Variants in CHST12 observed in about 807,000 individuals in gnomAD.
CHST12 encodes carbohydrate sulfotransferase 12, also known as carbohydrate (chondroitin 4) sulfotransferase 12.
In CHST12, 23 loss-of-function variants were observed where a neutral mutation model predicts 27.9. The observed-to-expected ratio is 0.82, with a 90% CI of 0.59 to 1.17. The LOEUF (loss-of-function observed/expected upper bound fraction) is 1.17, where lower values mean the gene tolerates loss of function less well. Ranked by LOEUF, CHST12 falls within the 50% of genes most tolerant of loss-of-function variation. The pLI, the probability that CHST12 is intolerant of heterozygous loss-of-function variation, is 0.00. For missense variants in CHST12, 682 were observed against 603.0 expected (o/e 1.13, Z -1.37); for synonymous variants, 322 against 273.0 (o/e 1.18, Z -1.77).
intron 1 of CHST12, among the ~76,000 whole-genome samples, chr7:2,416,459 T>G (rs533352147): frequency 2.0e-5 from 3 of 152,370 alleles, no homozygotes; most frequent in African/African-American, 7.2e-5. Flanking sequence ...GTTTTCAGTT[T>G]ACTTTGCCCA....
intron 1 of CHST12, among the ~76,000 whole-genome samples, chr7:2,420,187 A>G (rs1283484868): frequency 1.3e-5 from 2 of 150,988 alleles, no homozygotes; most frequent in African/African-American, 2.5e-5. Context: ...GTTAGCCAGG[A>G]TGGTCTTGAT....
At chr7:2,418,563 C>T (rs547978382) in intron 1 of CHST12, among the ~76,000 whole-genome samples, 20 of 152,282 alleles carry the variant, frequency 1.3e-4, no homozygotes, top group Admixed American at 5.2e-4. Flanking sequence ...AAATCATGTC[C>T]TATTTCTTTT....
chr7:2,434,093 C>T lies in CHST12; in HGVS notation c.*209C>T, dbSNP rs749136766. 3 of 449,780 alleles carry T rather than the reference C, an allele frequency of 6.7e-6. No individual in the cohort carries two copies. Among genetic ancestry groups the T allele is most frequent in the Admixed American group, 4.1e-5 (1 of 24,650 alleles). 27.9% of individuals were successfully genotyped at this position (449,780 alleles called of 1,614,324 possible). A position where few individuals can be genotyped will look rare whatever the true frequency, so the allele number is the denominator to read the frequency against. Reference sequence around the variant, plus strand: ...AGGGAATGCTGGAGTAAAATATCCCCTCTCCCCTCCGCCCGCCCACCCGCC... The same window carrying T: ...AGGGAATGCTGGAGTAAAATATCCCTTCTCCCCTCCGCCCGCCCACCCGCC... On this transcript the variant is annotated 3_prime_UTR_variant, in exon 2 of 2. Transcript: ENST00000618655.
chr7:2,406,901 C>G (rs1411249649), intron 1 of CHST12, among the ~76,000 whole-genome samples: 4 of 152,004 alleles, frequency 2.6e-5, no homozygotes, highest in African/African-American at 4.8e-5. Context: ...CAGGAAGGAG[C>G]CTTAGAAAGC....
At chr7:2,416,372 A>T (rs562199742) in intron 1 of CHST12, among the ~76,000 whole-genome samples, 240 of 152,310 alleles carry the variant, frequency 1.6e-3, no homozygotes, top group African/African-American at 5.6e-3. Context: ...TCAAACTTCT[A>T]TTAATGTTGC....
chr7:2,435,385 G>A lies in CHST12; in HGVS notation c.*1501G>A, dbSNP rs1782447593. ...AGAGGCTCCGTGTGACTGTCTCTGTGGCTTTCTGGTTGGTTTAGCTCCAGT... is the reference window on the plus strand; with the variant it reads ...AGAGGCTCCGTGTGACTGTCTCTGTAGCTTTCTGGTTGGTTTAGCTCCAGT... On this transcript the variant is annotated 3_prime_UTR_variant, in exon 2 of 2. Transcript: ENST00000618655. 1.3e-5 allele frequency: 2 copies of A among 152,220 alleles called. No homozygotes were observed. Among genetic ancestry groups the A allele is most frequent in the South Asian group, 2.1e-4 (1 of 4,822 alleles). 9.4% of individuals were successfully genotyped at this position (152,220 alleles called of 1,614,324 possible).
At chr7:2,420,122 C>T (rs536509154) in intron 1 of CHST12, among the ~76,000 whole-genome samples, 1 of 151,846 alleles carries the variant, frequency 6.6e-6, no homozygotes, top group East Asian at 1.9e-4. Flanking sequence ...TACAGGCGCC[C>T]GTCAGCATGC....
In CHST12 at chr7:2,444,648, CAG is replaced by C. The variant is rs1782704312; in HGVS notation, c.*10768_*10769del. 6.6e-6 allele frequency: 1 copy of C among 152,218 alleles called. No individual in the cohort carries two copies. Among genetic ancestry groups the C allele is most frequent in the Non-Finnish European group, 1.5e-5 (1 of 68,076 alleles). 9.4% of individuals were successfully genotyped at this position (152,218 alleles called of 1,614,324 possible). A position where few individuals can be genotyped will look rare whatever the true frequency, so the allele number is the denominator to read the frequency against. ...TCTGAAGCCGTGGGCCAGGCCAAGA[CAG>C]AGATTCTGAGGCATGGTTCTGGAAT... is the stretch of plus-strand genomic sequence containing the variant. On this transcript the variant is annotated 3_prime_UTR_variant, in exon 2 of 2. Transcript: ENST00000618655.
chr7:2,433,755 C>G lies in CHST12; in HGVS notation c.1116C>G (p.Thr372=), dbSNP rs773180842. The G allele has an allele frequency of 1.3e-5, 21 of 1,614,000 alleles. No individual in the cohort carries two copies. The highest frequency in any genetic ancestry group is 8.9e-5 in the East Asian group (4 of 44,878). The change falls in exon 2 of 2, where the codon ACC becomes ACG. Residue 372 remains threonine, a synonymous_variant. Transcript: ENST00000618655. This position sits in a 1 kb window ranked among gnomAD's most constrained non-coding sequence, Gnocchi z 6.1. ...TCCCCCCGAGCTACCGGAACAGGAC[C>G]GCCAGCAGCTGGGAGGAGGACTGGT... ...LRFPPSYRNR[T]ASSWEEDWFA...
intron 1 of CHST12, chr7:2,404,233 C>G (rs1781460594): frequency 6.6e-6 from 1 of 152,422 alleles, no homozygotes; most frequent in Non-Finnish European, 1.5e-5. Flanking sequence ...CTTAAATGAC[C>G]TCTCACTCCA....
intron 1 of CHST12, chr7:2,404,255 C>G (rs1416153397): frequency 6.6e-6 from 1 of 152,382 alleles, no homozygotes; most frequent in Non-Finnish European, 1.5e-5. Flanking sequence ...AAGCCGCAGC[C>G]CTGCCCCTCT....
chr7:2,420,447 C>A (rs569865420), intron 1 of CHST12, among the ~76,000 whole-genome samples: 2 of 152,268 alleles, frequency 1.3e-5, no homozygotes, highest in African/African-American at 4.8e-5. Context: ...TGGGTTCCTT[C>A]CACCTTTTGG....
intron 1 of CHST12, among the ~76,000 whole-genome samples, chr7:2,431,778 G>C (rs1478070255): frequency 1.3e-5 from 2 of 152,188 alleles, no homozygotes; most frequent in East Asian, 3.8e-4. Context: ...TGAAGCTGTA[G>C]GGTGCAGTTT....
chr7:2,417,818 G>A (rs1438792998), intron 1 of CHST12, among the ~76,000 whole-genome samples: 2 of 152,218 alleles, frequency 1.3e-5, no homozygotes, highest in South Asian at 2.1e-4. Flanking sequence ...GCTCACAGAC[G>A]CAGTCAGAGT....
chr7:2,441,386 G>A lies in CHST12; in HGVS notation c.*7502G>A, dbSNP rs917288125. 28 of 152,270 alleles carry A rather than the reference G, an allele frequency of 1.8e-4. No individual in the cohort carries two copies. Among genetic ancestry groups the A allele is most frequent in the African/African-American group, 4.6e-4 (19 of 41,562 alleles). 9.4% of individuals were successfully genotyped at this position (152,270 alleles called of 1,614,324 possible). ...AACCTTAAAAATGCTTTCTTCACTC[G>A]TTTAAATAGTAATGATAAGAATATG... On this transcript the variant is annotated 3_prime_UTR_variant, in exon 2 of 2. Transcript: ENST00000618655.
chr7:2,422,948 G>T (rs1782016631), intron 1 of CHST12, among the ~76,000 whole-genome samples: 1 of 151,414 alleles, frequency 6.6e-6, no homozygotes, highest in Non-Finnish European at 1.5e-5. Flanking sequence ...GAGAGGGGTG[G>T]TCCTGAAAAC....
rs1782668960 is a variant in CHST12, at chr7:2,443,433, C to G, written c.*9549C>G. The G allele has an allele frequency of 6.6e-6, 1 of 152,220 alleles. No individual in the cohort carries two copies. Among genetic ancestry groups the G allele is most frequent in the Non-Finnish European group, 1.5e-5 (1 of 68,114 alleles). The allele number at this position is 152,220 out of a possible 1,614,324, so 9.4% of individuals were successfully genotyped here. On this transcript the variant is annotated 3_prime_UTR_variant, in exon 2 of 2. Transcript: ENST00000618655. ...AACAGTTTCATCCCAAAAGCATATA[C>G]CTCTGCCCCATCCATGGAAAAATTG...
rs1782375423 is a variant in CHST12, at chr7:2,433,644, C to G, written c.1005C>G (p.Asp335Glu). 1.2e-6 allele frequency: 2 copies of G among 1,613,808 alleles called. No homozygotes were observed. Among genetic ancestry groups the G allele is most frequent in the East Asian group, 2.2e-5 (1 of 44,876 alleles). Residue 335 changes from aspartate (D) to glutamate (E), a missense_variant, in exon 2 of 2, where the codon GAC becomes GAG. By Grantham distance (45) the Asp-to-Glu change is conservative. Coordinates refer to ENST00000618655, the MANE Select transcript of CHST12 (RefSeq NM_018641.5). The surrounding 1 kb of genome is among the most constrained non-coding windows in gnomAD (Gnocchi z 6.1). ...VYRLCHPCQI[D>E]YDFVGKLETL... ...GCCTCTGCCACCCGTGCCAGATCGA[C>G]TACGACTTCGTGGGGAAGCTGGAGA... is the stretch of plus-strand genomic sequence containing the variant.
chr7:2,422,166 G>A (rs567828770), intron 1 of CHST12, among the ~76,000 whole-genome samples: 2 of 152,058 alleles, frequency 1.3e-5, no homozygotes, highest in Non-Finnish European at 2.9e-5. Flanking sequence ...CACTCTCCTC[G>A]TTAGTCTTCA....
Sources: gnomAD v4.1 joint callset for allele counts (sites outside exome capture counted in the v4.1 genomes callset) on GRCh38, gnomAD v4.1.1 for gene constraint, Gnocchi (gnomAD v3.1) non-coding constraint, MANE v1.5 for transcripts, NCBI Gene and HGNC (gene_info 2026-07-23, HGNC 2026-07-21) for gene names.